The following ITGA2 variants were observed in gnomAD, a reference collection of about 807,000 sequenced individuals.
The protein encoded by ITGA2 is integrin subunit alpha 2.
In ITGA2, 101 loss-of-function variants were observed where a neutral mutation model predicts 146.3. The observed-to-expected ratio is 0.69, with a 90% CI of 0.59 to 0.81. ITGA2 has a LOEUF of 0.81. Among genes scored for constraint, ITGA2 ranks in the 40% least tolerant of loss-of-function variants. ITGA2 has a pLI of 0.00. For missense variants in ITGA2, 1,281 were observed against 1,402.7 expected (o/e 0.91, Z 1.39); for synonymous variants, 477 against 487.1 (o/e 0.98, Z 0.27).
At chr5:53,071,080 A>G (rs1579887661) in intron 17 of ITGA2, among the ~76,000 whole-genome samples, 1 of 151,958 alleles carries the variant, frequency 6.6e-6, no homozygotes, top group East Asian at 1.9e-4. Flanking sequence ...AATGGATGGT[A>G]CAGAGAGATC....
chr5:53,060,996 G>A lies in ITGA2; in HGVS notation c.1408G>A (p.Val470Met), dbSNP rs759432083. The A allele has an allele frequency of 6.2e-7, 1 of 1,612,392 alleles. No individual in the cohort carries two copies. The highest frequency in any genetic ancestry group is 8.5e-7 in the Non-Finnish European group (1 of 1,178,910). Residue 470 changes from valine (V) to methionine (M), a missense_variant, in exon 12 of 30, where the codon GTG (valine) becomes ATG (methionine). Physicochemically the swap from Val to Met is conservative, Grantham distance 21. This residue lies in a region of ITGA2 where 795 missense variants were observed against 841.7 expected (regional missense o/e 0.94). Coordinates refer to ENST00000296585, the MANE Select transcript of ITGA2 (RefSeq NM_002203.4). The part of the protein sequence containing the change: ...NYTGQIVLYS[V>M]NENGNITVIQ... The stretch of plus-strand genomic sequence containing the variant: ...TACCGGCCAGATAGTGCTATATAGT[G>A]TGAATGAGAATGGCAATATCACGGT...
At chr5:52,998,456 A>G (rs1279485400) in intron 1 of ITGA2, among the ~76,000 whole-genome samples, 4 of 152,150 alleles carry the variant, frequency 2.6e-5, no homozygotes, top group Non-Finnish European at 4.4e-5. Context: ...CGCTGTCTCA[A>G]AAAAGAAACC....
In ITGA2 at chr5:53,054,272, G is replaced by C. The variant is rs145548117; in HGVS notation, c.780-1266G>C. 1.6e-3 allele frequency among the ~76,000 whole-genome samples: 237 copies of C among 152,076 alleles called. 1 individual carries two copies. In the South Asian group the frequency reaches 0.027, roughly 17 times the overall value. On this transcript the variant is annotated intron_variant, in intron 7 of 29. Transcript: ENST00000296585. ...CCATTTCCTACTGTTTTAATCTAAGGTCTTCTCATTTCATTTACTTCATAT... is the reference window on the plus strand; with the variant it reads ...CCATTTCCTACTGTTTTAATCTAAGCTCTTCTCATTTCATTTACTTCATAT...
chr5:53,071,696 A>G (rs546939109), intron 17 of ITGA2, among the ~76,000 whole-genome samples: 28 of 152,068 alleles, frequency 1.8e-4, no homozygotes, highest in Non-Finnish European at 1.8e-4. Context: ...CCCTGCTTCA[A>G]ATTCTTACTA....
intron 1 of ITGA2, among the ~76,000 whole-genome samples, chr5:52,996,156 A>G (rs1741237743): frequency 6.6e-6 from 1 of 152,230 alleles, no homozygotes; most frequent in Admixed American, 6.5e-5. Flanking sequence ...CAAGAGAGGT[A>G]AAATGGGAGC....
intron 14 of ITGA2, 107 bp from the exon 15 acceptor site, chr5:53,065,734 A>C (rs1431530082): frequency 2.9e-6 from 4 of 1,401,466 alleles, no homozygotes; most frequent in Non-Finnish European, 4.0e-6. Flanking sequence ...GAATAAACAC[A>C]ATCTGGGACA....
chr5:53,024,387 T>G (rs1229777833), intron 1 of ITGA2, among the ~76,000 whole-genome samples: 1 of 152,184 alleles, frequency 6.6e-6, no homozygotes, highest in Non-Finnish European at 1.5e-5. Flanking sequence ...ATTTTTCCCT[T>G]GAGTTTTCTC....
chr5:53,020,479 T>C (rs2111785527), intron 1 of ITGA2, among the ~76,000 whole-genome samples: 1 of 152,148 alleles, frequency 6.6e-6, no homozygotes, highest in African/African-American at 2.4e-5. Context: ...AAAGTAAGAG[T>C]CAAATGCAAC....
intron 1 of ITGA2, among the ~76,000 whole-genome samples, chr5:52,989,814 G>GCACACACACA (rs35389760): frequency 0.056 from 8,148 of 145,806 alleles, 275 homozygotes; most frequent in Non-Finnish European, 0.079. Context: ...GTACACACAC[G>GCACACACACA]CACACACACA....
In ITGA2 at chr5:53,067,139, A is replaced by G; in HGVS notation, c.1965A>G (p.Val655=). Residue 655 remains valine, a synonymous_variant, in exon 16 of 30, where the codon GTA becomes GTG. Transcript: ENST00000296585. The part of the protein sequence containing the change: ...VQLWSQSIAD[V]AIEASFTPEK... ...TTAGGTCACAAAGTATTGCTGATGT[A>G]GCTATAGAAGCTTCATTCACACCAG... is the stretch of plus-strand genomic sequence containing the variant. 1 of 1,610,946 alleles carries G rather than the reference A, an allele frequency of 6.2e-7. No individual in the cohort carries two copies. Among genetic ancestry groups the G allele is most frequent in the Non-Finnish European group, 8.5e-7 (1 of 1,178,460 alleles).
At chr5:53,005,015 T>G (rs1387395557) in intron 1 of ITGA2, among the ~76,000 whole-genome samples, 2 of 149,044 alleles carry the variant, frequency 1.3e-5, no homozygotes, top group African/African-American at 5.0e-5. Context: ...AGATTTCCTG[T>G]GGTGATGTAT....
intron 1 of ITGA2, among the ~76,000 whole-genome samples, chr5:52,994,515 C>G (rs1004702955): frequency 5.9e-5 from 9 of 152,120 alleles, no homozygotes; most frequent in Admixed American, 2.0e-4. Flanking sequence ...AATTTTCATT[C>G]CTAAGAGAGA....
chr5:53,073,392 G>T (rs1745496567), intron 20 of ITGA2, 133 bp downstream of exon 20: 5 of 991,126 alleles, frequency 5.0e-6, no homozygotes, highest in Non-Finnish European at 8.0e-6. Context: ...TGTGGCTTCC[G>T]ACTAGTTAAA....
chr5:53,000,906 T>TG (rs1741551789), intron 1 of ITGA2, among the ~76,000 whole-genome samples: 1 of 145,144 alleles, frequency 6.9e-6, no homozygotes, highest in African/African-American at 2.5e-5. Context: ...TGTTTTTTTT[T>TG]TTTTTTTTTT....
chr5:52,994,288 C>T (rs79929263), intron 1 of ITGA2, among the ~76,000 whole-genome samples: 1 of 152,094 alleles, frequency 6.6e-6, no homozygotes. Flanking sequence ...TTGTCTCAGC[C>T]CTGAAGCATA....
chr5:53,062,813 T>C lies in ITGA2; in HGVS notation c.1486T>C (p.Cys496Arg). 6.2e-7 allele frequency: 1 copy of C among 1,611,900 alleles called. No individual in the cohort carries two copies. Among genetic ancestry groups the C allele is most frequent in the Non-Finnish European group, 8.5e-7 (1 of 1,178,482 alleles). ...QIGSYFGSVL[C>R]SVDVDKDTIT... ...TGGCTCCTATTTTGGTAGTGTGCTG[T>C]GTTCAGTTGATGTGGATAAAGACAC... Residue 496 changes from cysteine to arginine, a missense_variant, in exon 13 of 30, where the codon TGT becomes CGT. Coordinates refer to ENST00000296585, the MANE Select transcript of ITGA2 (RefSeq NM_002203.4).
intron 4 of ITGA2, among the ~76,000 whole-genome samples, chr5:53,045,789 G>T (rs918038151): frequency 6.6e-6 from 1 of 151,694 alleles, no homozygotes; most frequent in Non-Finnish European, 1.5e-5. Flanking sequence ...TAAAAAAAGG[G>T]AAAAACATCA....
At position 53,080,501 on chromosome 5, in the gene ITGA2, C is replaced by G. The variant is rs767318318; in HGVS notation, c.2929-10C>G. 2 of 1,604,568 alleles carry G rather than the reference C, an allele frequency of 1.2e-6. No individual in the cohort carries two copies. The highest frequency in any genetic ancestry group is 3.3e-5 in the Admixed American group (2 of 59,952). On this transcript the variant is annotated splice_polypyrimidine_tract_variant and intron_variant, in intron 24 of 29. Coordinates refer to ENST00000296585, the MANE Select transcript of ITGA2 (RefSeq NM_002203.4). The stretch of plus-strand genomic sequence containing the variant: ...TGTTGCAGTACTGGCACATTTTATT[C>G]TCTACATAGGTAACAACAGGAAGTG...
intron 23 of ITGA2, among the ~76,000 whole-genome samples, chr5:53,076,806 T>C (rs1248279013): frequency 6.6e-6 from 1 of 152,060 alleles, no homozygotes; most frequent in African/African-American, 2.4e-5. Context: ...TATTCTAATG[T>C]TCTTTAAAAT....
Sources: gnomAD v4.1 joint callset for allele counts (sites outside exome capture counted in the v4.1 genomes callset) on GRCh38, gnomAD v4.1.1 for gene constraint, gnomAD v4.1.1 regional missense constraint, MANE v1.5 for transcripts, NCBI Gene and HGNC (gene_info 2026-07-23, HGNC 2026-07-21) for gene names.